Variants in MECR observed in about 807,000 individuals in gnomAD.
MECR encodes mitochondrial trans-2-enoyl-CoA reductase.
In MECR, 37 loss-of-function variants were observed where a neutral mutation model predicts 49.1. The ratio of observed to expected loss-of-function variants is 0.75; its 90% CI spans 0.58 to 0.99. The LOEUF (loss-of-function observed/expected upper bound fraction) is 0.99. MECR is among the 50% of genes least tolerant of loss of function. MECR has a pLI of 0.00. For synonymous variants in MECR, 198 were observed against 191.1 expected (o/e 1.04, Z -0.30); for missense variants, 470 against 479.6 (o/e 0.98, Z 0.19).
chr1:29,169,684 A>C, the MECR span: 1 of 152,192 alleles, frequency 6.6e-6, no homozygotes, highest in Non-Finnish European at 1.5e-5. Context: ...AAAGTAAACC[A>C]ACTGCTGAAA....
chr1:29,210,571 G>A (rs908489927), intron 3 of MECR, among the ~76,000 whole-genome samples: 4 of 152,046 alleles, frequency 2.6e-5, no homozygotes, highest in Non-Finnish European at 4.4e-5. Flanking sequence ...CTTATGGCAC[G>A]ACAATGGAAA....
the MECR span, among the ~76,000 whole-genome samples, chr1:29,182,498 G>C: frequency 1.3e-5 from 2 of 152,128 alleles, no homozygotes; most frequent in Non-Finnish European, 2.9e-5. Context: ...TGGAGCTTTG[G>C]AGCTAGACTA....
chr1:29,201,511 T>C lies in MECR; in HGVS notation c.756+432A>G, dbSNP rs927332762. The C allele has an allele frequency of 4.2e-6, 2 of 473,546 alleles. No individual in the cohort carries two copies. The highest frequency in any genetic ancestry group is 1.6e-5 in the South Asian group (1 of 64,006). 29.3% of individuals were successfully genotyped at this position (473,546 alleles called of 1,614,324 possible). A position where few individuals can be genotyped will look rare whatever the true frequency, so the allele number is the denominator to read the frequency against. Reference sequence around the variant, plus strand: ...CATTTCCTCTTTTCTGAGTCTTAGTTTCCTAATCTGTAAAACAGATAACAG... The same window carrying C: ...CATTTCCTCTTTTCTGAGTCTTAGTCTCCTAATCTGTAAAACAGATAACAG... On this transcript the variant is annotated intron_variant, in intron 6 of 9. Transcript: ENST00000263702. The surrounding 1 kb of genome is among the most constrained non-coding windows in gnomAD (Gnocchi z 4.3).
chr1:29,207,369 A>G (rs1481533553), intron 3 of MECR, among the ~76,000 whole-genome samples: 1 of 152,046 alleles, frequency 6.6e-6, no homozygotes, highest in Non-Finnish European at 1.5e-5. Context: ...ATTCGCCTGC[A>G]TCGGCTTCCC....
chr1:29,188,827 A>G (rs2151834329), downstream of MECR, among the ~76,000 whole-genome samples: 1 of 151,908 alleles, frequency 6.6e-6, no homozygotes, highest in African/African-American at 2.4e-5. Flanking sequence ...TTTAATAGAG[A>G]TGGGGTTTCA....
chr1:29,230,899 A>T lies in MECR; in HGVS notation c.8T>A (p.Val3Asp). Residue 3 changes from valine (V) to aspartate (D), a missense_variant, in exon 1 of 10, where the codon GTC becomes GAC. Physicochemically the swap from Val to Asp is radical, Grantham distance 152. Transcript: ENST00000263702. MW[V>D]CSTLWRVRTP... ...TCGCACCCGCCACAGGGTACTGCAGACCCACATGCTCGCTCCAACCAACAC... is the reference window on the plus strand; with the variant it reads ...TCGCACCCGCCACAGGGTACTGCAGTCCCACATGCTCGCTCCAACCAACAC... 1 of 1,602,912 alleles carries T rather than the reference A, an allele frequency of 6.2e-7. No individual in the cohort carries two copies. Among genetic ancestry groups the T allele is most frequent in the Non-Finnish European group, 8.5e-7 (1 of 1,177,712 alleles).
the MECR span, among the ~76,000 whole-genome samples, chr1:29,183,403 C>G: frequency 1.3e-5 from 2 of 152,124 alleles, no homozygotes; most frequent in Non-Finnish European, 2.9e-5. Flanking sequence ...CTTTCTCTCT[C>G]TCTCTATATA....
chr1:29,222,189 G>A (rs1052124618), intron 1 of MECR, among the ~76,000 whole-genome samples: 2 of 152,192 alleles, frequency 1.3e-5, no homozygotes, highest in African/African-American at 4.8e-5. Flanking sequence ...CGCCTCCCGG[G>A]TTCAAGGAAT....
In MECR at chr1:29,226,039, C is replaced by T. The variant is rs1463307064; in HGVS notation, c.176+4692G>A. On this transcript the variant is annotated intron_variant, in intron 1 of 9. Coordinates refer to ENST00000263702, the MANE Select transcript of MECR (RefSeq NM_016011.5). ...CAAAAATTAGCTGGGTGTGGTGGCA[C>T]GCGCCTGTAATCCCAGCTACTCAGG... 2.6e-5 allele frequency among the ~76,000 whole-genome samples: 4 copies of T among 151,910 alleles called. No homozygotes were observed. The East Asian group carries it at 5.8e-4, about 22-fold the overall frequency.
chr1:29,183,501 C>G, the MECR span, among the ~76,000 whole-genome samples: 1 of 152,112 alleles, frequency 6.6e-6, no homozygotes, highest in African/African-American at 2.4e-5. Context: ...TTCCTCATAT[C>G]CTCATCAACA....
At position 29,230,530 on chromosome 1, in the gene MECR, C is replaced by T. The variant is rs1047765805; in HGVS notation, c.176+201G>A. 3.7e-5 allele frequency: 22 copies of T among 587,806 alleles called. No individual in the cohort carries two copies. The African/African-American group carries it at 3.8e-4, about 10-fold the overall frequency. The allele number at this position is 587,806 out of a possible 1,614,324, so 36.4% of individuals were successfully genotyped here. ...GATCAATAAACATCAGCCATTAATA[C>T]CCTGATAATTGCCTCTCGGGTCTTC... On this transcript the variant is annotated intron_variant, in intron 1 of 9. Transcript: ENST00000263702.
At chr1:29,182,653 C>T in the MECR span, among the ~76,000 whole-genome samples, 1 of 152,094 alleles carries the variant, frequency 6.6e-6, no homozygotes, top group Admixed American at 6.5e-5. Context: ...AAGCGATTCT[C>T]CTGCCTCAGC....
intron 1 of MECR, among the ~76,000 whole-genome samples, chr1:29,217,614 G>A (rs1468800927): frequency 2.0e-5 from 3 of 152,172 alleles, no homozygotes; most frequent in African/African-American, 7.2e-5. Flanking sequence ...TACCTGGTAT[G>A]CTCATGGATA....
chr1:29,200,448 T>A (rs1675034075), intron 7 of MECR, 68 bp downstream of exon 7: 1 of 1,477,932 alleles, frequency 6.8e-7, no homozygotes, highest in Non-Finnish European at 9.4e-7. Context: ...CTCAGTCACT[T>A]GATGGTCCTC....
chr1:29,183,198 GGATACTATACATATGGTTCTAC>G, the MECR span, among the ~76,000 whole-genome samples: 1 of 152,014 alleles, frequency 6.6e-6, no homozygotes, highest in Non-Finnish European at 1.5e-5. Context: ...ACAAATAGTA[GGATACTATACATATGGTTCTAC>G]ACAAAATATA....
At chr1:29,190,353 A>AAAAAC (rs929310719), downstream of MECR, among the ~76,000 whole-genome samples, 25 of 152,084 alleles carry the variant, frequency 1.6e-4, no homozygotes, top group African/African-American at 4.1e-4. Context: ...TCCGTCTCAA[A>AAAAAC]AAAACAAAAC....
At chr1:29,171,142 T>G in the MECR span, 1 of 152,078 alleles carries the variant, frequency 6.6e-6, no homozygotes, top group African/African-American at 2.4e-5. Context: ...CCAACCACGA[T>G]AAAGCTGATA....
chr1:29,204,880 G>A (rs975324870), intron 4 of MECR, among the ~76,000 whole-genome samples: 4 of 152,256 alleles, frequency 2.6e-5, no homozygotes, highest in African/African-American at 9.6e-5. Flanking sequence ...TGCCATAGTT[G>A]CAAGAAACCT....
At chr1:29,205,156 A>T (rs553228414) in intron 4 of MECR, among the ~76,000 whole-genome samples, 10 of 152,006 alleles carry the variant, frequency 6.6e-5, no homozygotes, top group Middle Eastern at 3.4e-3. Flanking sequence ...CCAGCCTCTC[A>T]TCATTCAAGG....
Sources: allele counts gnomAD v4.1 joint callset (sites outside exome capture counted in the v4.1 genomes callset), GRCh38; gene constraint gnomAD v4.1.1; non-coding constraint Gnocchi (gnomAD v3.1); transcripts MANE v1.5; gene names NCBI Gene and HGNC (gene_info 2026-07-23, HGNC 2026-07-21).